NELL2: variants seen among roughly 807,000 people sequenced by gnomAD.
NELL2 encodes the protein neural EGFL like 2.
A neutral mutation model predicts 109.6 loss-of-function variants in NELL2; 41 were observed. The ratio of observed to expected loss-of-function variants is 0.37; its 90% CI spans 0.29 to 0.49. The LOEUF is 0.49. Among genes scored for constraint, NELL2 ranks in the 20% least tolerant of loss-of-function variants. The pLI is 0.98. For synonymous variants in NELL2, 355 were observed against 344.7 expected (o/e 1.03, Z -0.33); for missense variants, 900 against 1,008.3 (o/e 0.89, Z 1.45).
intron 12 of NELL2, among the ~76,000 whole-genome samples, chr12:44,701,783 C>T (rs751767090): frequency 4.6e-5 from 7 of 152,108 alleles, no homozygotes; most frequent in Non-Finnish European, 1.0e-4. Flanking sequence ...CCAATTTCCA[C>T]AGCTCCCCAT....
intron 13 of NELL2, among the ~76,000 whole-genome samples, chr12:44,618,846 T>G (rs1945933316): frequency 6.6e-6 from 1 of 152,220 alleles, no homozygotes; most frequent in South Asian, 2.1e-4. Flanking sequence ...AGCACTGTGC[T>G]AAGTGTTTTA....
At chr12:44,807,088 GA>G (rs1274334388) in intron 3 of NELL2, among the ~76,000 whole-genome samples, 1 of 150,876 alleles carries the variant, frequency 6.6e-6, no homozygotes, top group East Asian at 1.9e-4. Flanking sequence ...TTCAAAAAAA[GA>G]AAAAAATCTA....
chr12:44,739,905 CA>C (rs1218289963), intron 9 of NELL2, among the ~76,000 whole-genome samples: 2 of 151,622 alleles, frequency 1.3e-5, no homozygotes, highest in South Asian at 2.1e-4. Context: ...ACAACAACAA[CA>C]AAAAAAACAT....
chr12:44,760,962 A>G (rs1258925358), intron 9 of NELL2, among the ~76,000 whole-genome samples: 1 of 152,222 alleles, frequency 6.6e-6, no homozygotes, highest in African/African-American at 2.4e-5. Context: ...TTTGCAACAT[A>G]TATATTAGAT....
chr12:44,534,581 T>C (rs769176227), intron 15 of NELL2, among the ~76,000 whole-genome samples: 2 of 152,150 alleles, frequency 1.3e-5, no homozygotes, highest in South Asian at 4.1e-4. Context: ...AACCTCTGAT[T>C]ATAAATAGAT....
chr12:44,788,396 TG>T (rs1942259022), intron 3 of NELL2, among the ~76,000 whole-genome samples: 1 of 152,170 alleles, frequency 6.6e-6, no homozygotes, highest in Admixed American at 6.5e-5. Context: ...ACACCCACAC[TG>T]GGGAAACTGA....
At chr12:44,861,065 C>T (rs941321756) in intron 2 of NELL2, among the ~76,000 whole-genome samples, 1 of 152,160 alleles carries the variant, frequency 6.6e-6, no homozygotes, top group South Asian at 2.1e-4. Context: ...TAACAATATA[C>T]CATCACAAAA....
At position 44,760,467 on chromosome 12, in the gene NELL2, T is replaced by C. The variant is rs565893282; in HGVS notation, c.994+14280A>G. On this transcript the variant is annotated intron_variant, in intron 9 of 19. Transcript: ENST00000429094. Reference sequence around the variant, plus strand: ...AAGAAATTTTTAAAAAGACGAGTGATGGTAGATTTGCTCTCCTGGATAATA... The same window carrying C: ...AAGAAATTTTTAAAAAGACGAGTGACGGTAGATTTGCTCTCCTGGATAATA... 4.6e-5 allele frequency among the ~76,000 whole-genome samples: 7 copies of C among 152,232 alleles called. No individual in the cohort carries two copies. In the South Asian group the frequency reaches 8.3e-4, roughly 18 times the overall value.
At chr12:44,684,799 CTG>C (rs891122560) in intron 12 of NELL2, among the ~76,000 whole-genome samples, 2 of 152,100 alleles carry the variant, frequency 1.3e-5, no homozygotes, top group Non-Finnish European at 2.9e-5. Flanking sequence ...GTTATAATTT[CTG>C]TTCTTTTACA....
rs1246504227 is a variant in NELL2, at chr12:44,838,925, C to T, written c.185-22789G>A. 3.9e-5 allele frequency among the ~76,000 whole-genome samples: 6 copies of T among 152,158 alleles called. No homozygotes were observed. The South Asian group carries it at 1.0e-3, about 26-fold the overall frequency. On this transcript the variant is annotated intron_variant, in intron 2 of 19. Coordinates refer to ENST00000429094, the MANE Select transcript of NELL2 (RefSeq NM_001145108.2). ...TGAGTTCATCAGCTAAGTGAGAATA[C>T]ATTGAACTACAACATTTTCTTCTGC...
intron 9 of NELL2, among the ~76,000 whole-genome samples, chr12:44,723,284 C>A (rs1327787129): frequency 6.6e-6 from 1 of 151,772 alleles, no homozygotes; most frequent in Non-Finnish European, 1.5e-5. Flanking sequence ...TAGAGCTGCC[C>A]AGGTAGAGCT....
chr12:44,817,021 T>G (rs1304798781), intron 2 of NELL2, among the ~76,000 whole-genome samples: 1 of 152,240 alleles, frequency 6.6e-6, no homozygotes, highest in Non-Finnish European at 1.5e-5. Flanking sequence ...TGTGATCAAA[T>G]TACTCTCCTC....
chr12:44,763,317 G>A (rs749008613), intron 9 of NELL2, among the ~76,000 whole-genome samples: 12 of 152,242 alleles, frequency 7.9e-5, no homozygotes, highest in Non-Finnish European at 1.6e-4. Flanking sequence ...TTGCTTTGCC[G>A]TAAAAGGTCC....
intron 9 of NELL2, among the ~76,000 whole-genome samples, chr12:44,737,275 T>C (rs952236426): frequency 2.0e-5 from 3 of 152,042 alleles, no homozygotes; most frequent in Non-Finnish European, 2.9e-5. Flanking sequence ...TCATGCATAA[T>C]TGATCAGAAT....
In NELL2 at chr12:44,617,515, G is replaced by A. The variant is rs1283492207; in HGVS notation, c.1445-6545C>T. On this transcript the variant is annotated intron_variant, in intron 13 of 19. Transcript: ENST00000429094. ...ATCCTGGCTAAAACGGTGAAACCCC[G>A]TCTCTACTAAAAACACACACAAAAA... Among the ~76,000 whole-genome samples, 2 of 118,264 alleles carry A rather than the reference G, an allele frequency of 1.7e-5. 1 individual carries two copies. The highest frequency in any genetic ancestry group is 9.2e-5 in the African/African-American group (2 of 21,832). The allele number at this position is 118,264 out of a possible 152,430, so 77.6% of individuals were successfully genotyped here.
chr12:44,804,781 G>T (rs1439314288), intron 3 of NELL2, among the ~76,000 whole-genome samples: 1 of 151,774 alleles, frequency 6.6e-6, no homozygotes, highest in African/African-American at 2.4e-5. Context: ...CAGTGCATAT[G>T]AATGTATGGT....
chr12:44,589,572 G>C (rs555103170), intron 15 of NELL2, among the ~76,000 whole-genome samples: 1 of 152,092 alleles, frequency 6.6e-6, no homozygotes, highest in East Asian at 1.9e-4. Context: ...GTAAAGATGC[G>C]GTTTCACCAT....
At chr12:44,698,143 TC>T (rs1949117380) in intron 12 of NELL2, among the ~76,000 whole-genome samples, 2 of 152,310 alleles carry the variant, frequency 1.3e-5, no homozygotes, top group South Asian at 4.1e-4. Flanking sequence ...GGTGTCACCC[TC>T]CTCCAGCATG....
chr12:44,643,386 A>T (rs1002643118), intron 13 of NELL2, among the ~76,000 whole-genome samples: 1 of 152,206 alleles, frequency 6.6e-6, no homozygotes, highest in Non-Finnish European at 1.5e-5. Context: ...ATTAAAAAAC[A>T]TTATGATAGT....
Sources: gnomAD v4.1 joint callset for allele counts (sites outside exome capture counted in the v4.1 genomes callset) on GRCh38, gnomAD v4.1.1 for gene constraint, MANE v1.5 for transcripts, NCBI Gene and HGNC (gene_info 2026-07-23, HGNC 2026-07-21) for gene names.